Variants in SAR1B observed in about 807,000 individuals in gnomAD.
SAR1B encodes the protein secretion associated Ras related GTPase 1B, also known as small COPII coat GTPase SAR1B.
A neutral mutation model predicts 26.8 loss-of-function variants in SAR1B; 23 were observed. The ratio of observed to expected loss-of-function variants is 0.86; its 90% confidence interval spans 0.62 to 1.22. The LOEUF is 1.22. SAR1B is among the 50% of genes most tolerant of loss of function. SAR1B has a pLI of 0.00. For synonymous variants in SAR1B, 65 were observed against 80.8 expected (o/e 0.80, Z 1.05); for missense variants, 196 against 232.8 (o/e 0.84, Z 1.03).
chr5:134,610,042 T>C (rs1371758856), intron 4 of SAR1B, among the ~76,000 whole-genome samples: 1 of 151,900 alleles, frequency 6.6e-6, no homozygotes, highest in African/African-American at 2.4e-5. Context: ...TATATATACA[T>C]AAAATGTGTG....
At chr5:134,610,251 G>C (rs1384264701) in intron 4 of SAR1B, among the ~76,000 whole-genome samples, 2 of 151,994 alleles carry the variant, frequency 1.3e-5, no homozygotes, top group African/African-American at 2.4e-5. Context: ...TGGATTGCTT[G>C]AGCTCAGGAG....
chr5:134,612,642 A>AAC (rs1765235351), intron 4 of SAR1B, 49 bp downstream of exon 4: 1 of 179,602 alleles, frequency 5.6e-6, no homozygotes, highest in African/African-American at 9.5e-5. Context: ...GAGCCTGTCT[A>AAC]AAAAAAAAAA....
At chr5:134,608,556 A>G (rs1765166726) in intron 5 of SAR1B, 53 bp from the exon 6 acceptor site, 6 of 1,570,754 alleles carry the variant, frequency 3.8e-6, no homozygotes, top group Non-Finnish European at 5.2e-6. Flanking sequence ...CCATCCAAAG[A>G]GCTTATTTTG....
rs1331401773 is a variant in SAR1B, at chr5:134,604,118, T to G, written c.*2832A>C. ...TGAGATAAACTGAAATCTATCAATT[T>G]AACCAGCTGTGATCCAAAAGTGTAA... On this transcript the variant is annotated 3_prime_UTR_variant, in exon 7 of 7. Coordinates refer to ENST00000402673, the MANE Select transcript of SAR1B (RefSeq NM_016103.4). 2.6e-5 allele frequency: 4 copies of G among 152,252 alleles called. 1 individual carries two copies. The highest frequency in any genetic ancestry group is 5.9e-5 in the Non-Finnish European group (4 of 68,044). The allele number at this position is 152,252 out of a possible 1,614,324, so 9.4% of individuals were successfully genotyped here.
chr5:134,611,779 G>A (rs1333169221), intron 4 of SAR1B, among the ~76,000 whole-genome samples: 2 of 152,140 alleles, frequency 1.3e-5, no homozygotes, highest in African/African-American at 4.8e-5. Context: ...ATGTGCGGAT[G>A]GGGATGGCAT....
intron 3 of SAR1B, among the ~76,000 whole-genome samples, chr5:134,619,018 T>C (rs549233216): frequency 7.0e-6 from 1 of 143,152 alleles, no homozygotes; most frequent in Admixed American, 7.2e-5. Context: ...AAAAAAAAAA[T>C]TAGAGTCATT....
intron 6 of SAR1B, among the ~76,000 whole-genome samples, chr5:134,608,140 C>T (rs868449232): frequency 1.3e-5 from 2 of 152,064 alleles, no homozygotes; most frequent in African/African-American, 4.8e-5. Context: ...ATTTAGTTTC[C>T]TATAAGCACA....
In SAR1B at chr5:134,604,343, G is replaced by T. The variant is rs1206403792; in HGVS notation, c.*2607C>A. On this transcript the variant is annotated 3_prime_UTR_variant, in exon 7 of 7. Transcript: ENST00000402673. ...CAATTAGCCTATGTCCCCAGTACTA[G>T]TATTTACCTGGGAAATACTCCATGG... 6.6e-6 allele frequency: 1 copy of T among 152,208 alleles called. No homozygotes were observed. Among genetic ancestry groups the T allele is most frequent in the Non-Finnish European group, 1.5e-5 (1 of 68,044 alleles). The allele number at this position is 152,208 out of a possible 1,614,324, so 9.4% of individuals were successfully genotyped here.
At chr5:134,630,370 G>A (rs550171138) in intron 1 of SAR1B, among the ~76,000 whole-genome samples, 37 of 146,896 alleles carry the variant, frequency 2.5e-4, no homozygotes, top group Non-Finnish European at 4.2e-4. Context: ...CAGGAGAATC[G>A]CTTGAACCCA....
intron 4 of SAR1B, among the ~76,000 whole-genome samples, chr5:134,611,165 T>A (rs1175484789): frequency 6.6e-6 from 1 of 152,166 alleles, no homozygotes; most frequent in African/African-American, 2.4e-5. Context: ...CACCCAGCCA[T>A]TATGACATAT....
At chr5:134,622,410 C>CTTT (rs70976542) in intron 2 of SAR1B, among the ~76,000 whole-genome samples, 2 of 135,600 alleles carry the variant, frequency 1.5e-5, no homozygotes, top group Non-Finnish European at 1.6e-5. Context: ...AGCCCATATT[C>CTTT]TTTTTTTTTT....
At chr5:134,624,634 T>G (rs1338043884) in intron 1 of SAR1B, among the ~76,000 whole-genome samples, 1 of 150,382 alleles carries the variant, frequency 6.6e-6, no homozygotes, top group Non-Finnish European at 1.5e-5. Flanking sequence ...AGTTTTTTTT[T>G]TTTTTTTTTT....
chr5:134,618,343 T>G (rs1045711988), intron 3 of SAR1B: 6 of 152,082 alleles, frequency 3.9e-5, no homozygotes, highest in Non-Finnish European at 8.8e-5. Flanking sequence ...AAAAAAAGAT[T>G]TGTCAATTTC....
chr5:134,610,292 C>A (rs1204709503), intron 4 of SAR1B, among the ~76,000 whole-genome samples: 1 of 151,792 alleles, frequency 6.6e-6, no homozygotes, highest in African/African-American at 2.4e-5. Flanking sequence ...CATAGTGAAA[C>A]CTCATCTCTA....
chr5:134,606,999 C>T lies in SAR1B; in HGVS notation c.548G>A (p.Arg183Lys). Residue 183 changes from arginine to lysine, a missense_variant, in exon 7 of 7, where the codon AGA becomes AAA. By Grantham distance (26) the Arg-to-Lys change is conservative. Coordinates refer to ENST00000402673, the MANE Select transcript of SAR1B (RefSeq NM_016103.4). ...LEVFMCSVLK[R>K]QGYGEGFRWM... ...GCGGAAGCCTTCTCCGTAACCTTGT[C>T]TTTTGAGCACACTACACATGAAAAC... is the stretch of plus-strand genomic sequence containing the variant. 1 of 1,614,138 alleles carries T rather than the reference C, an allele frequency of 6.2e-7. No individual in the cohort carries two copies. The highest frequency in any genetic ancestry group is 8.5e-7 in the Non-Finnish European group (1 of 1,180,000).
intron 1 of SAR1B, among the ~76,000 whole-genome samples, chr5:134,631,239 A>C (rs1465002649): frequency 6.6e-6 from 1 of 152,158 alleles, no homozygotes; most frequent in East Asian, 1.9e-4. Flanking sequence ...TAATCTTTGT[A>C]ATTACTGACA....
In SAR1B at chr5:134,624,016, A is replaced by G. The variant is rs1478854120; in HGVS notation, c.4T>C (p.Ser2Pro). 9 of 1,608,062 alleles carry G rather than the reference A, an allele frequency of 5.6e-6. No individual in the cohort carries two copies. Among genetic ancestry groups the G allele is most frequent in the Non-Finnish European group, 8.5e-7 (1 of 1,174,610 alleles). The stretch of plus-strand genomic sequence containing the variant: ...CTGTAAATCCAATCAAATATGAAGG[A>G]CATATCCAAATCTGATAGGGTCTGA... M[S>P]FIFDWIYSGF... Residue 2 changes from serine (S) to proline (P), a missense_variant, in exon 2 of 7, where the codon TCC (serine) becomes CCC (proline). Physicochemically the swap from Ser to Pro is moderately conservative, Grantham distance 74. Coordinates refer to ENST00000402673, the MANE Select transcript of SAR1B (RefSeq NM_016103.4).
At chr5:134,611,299 A>G (rs923525487) in intron 4 of SAR1B, among the ~76,000 whole-genome samples, 5 of 152,236 alleles carry the variant, frequency 3.3e-5, no homozygotes, top group Non-Finnish European at 7.3e-5. Context: ...TGCTTTCACT[A>G]GCCAGAACCA....
Position 134,612,684 on chromosome 5 carries a change from A to AAAAAAAAAAAAAAAT in SAR1B, c.244+6_244+7insATTTTTTTTTTTTTT. 1 of 1,017,752 alleles carries AAAAAAAAAAAAAAAT rather than the reference A, an allele frequency of 9.8e-7. No homozygotes were observed. The highest frequency in any genetic ancestry group is 1.4e-6 in the Non-Finnish European group (1 of 711,308). The allele number at this position is 1,017,752 out of a possible 1,614,324, so 63.0% of individuals were successfully genotyped here. On this transcript the variant is annotated splice_region_variant and intron_variant, in intron 4 of 6. Transcript: ENST00000402673. Reference sequence around the variant, plus strand: ...AAAAAAAAAAAAAAAAAAAAAAAGAATCTTACCTTGAACATGTCCACCCAG... The same window carrying AAAAAAAAAAAAAAAT: ...AAAAAAAAAAAAAAAAAAAAAAAGAAAAAAAAAAAAAAAATTCTTACCTTGAACATGTCCACCCAG...
Sources: gnomAD v4.1 joint callset for allele counts (sites outside exome capture counted in the v4.1 genomes callset) on GRCh38, gnomAD v4.1.1 for gene constraint, MANE v1.5 for transcripts, NCBI Gene and HGNC (gene_info 2026-07-23, HGNC 2026-07-21) for gene names.